The following CYP3A4 variants were observed in gnomAD, a reference collection of about 807,000 sequenced individuals.
The protein encoded by CYP3A4 is cytochrome P450 family 3 subfamily A member 4.
CYP3A4 carries 41 observed loss-of-function variants against 54.9 expected under a neutral mutation model. The observed-to-expected ratio is 0.75, with a 90% CI of 0.58 to 0.97. The LOEUF is 0.97. Among genes scored for constraint, CYP3A4 ranks in the 50% least tolerant of loss-of-function variants. The pLI is 0.00. For missense variants in CYP3A4, 510 were observed against 597.3 expected, an observed-to-expected ratio of 0.85 and a Z score of 1.52; for synonymous variants, 179 against 205.2, an observed-to-expected ratio of 0.87 and a Z score of 1.09.
In CYP3A4 at chr7:99,779,875, T is replaced by G; in HGVS notation, c.165+117A>C. Reference sequence around the variant, plus strand: ...CATGTTCTGGGTGATGCCTACACACTGTTTCTGAAAGTGTAAAACTTCAGA... The same window carrying G: ...CATGTTCTGGGTGATGCCTACACACGGTTTCTGAAAGTGTAAAACTTCAGA... On this transcript the variant is annotated intron_variant, in intron 2 of 12. Coordinates refer to ENST00000651514, the MANE Select transcript of CYP3A4 (RefSeq NM_017460.6). The G allele has an allele frequency of 5.3e-6, 5 of 938,646 alleles. No individual in the cohort carries two copies. The South Asian group carries it at 7.8e-5, about 15-fold the overall frequency. The allele number at this position is 938,646 out of a possible 1,614,324, so 58.1% of individuals were successfully genotyped here.
At chr7:99,764,339 C>T (rs889430368) in intron 9 of CYP3A4, among the ~76,000 whole-genome samples, 1 of 152,100 alleles carries the variant, frequency 6.6e-6, no homozygotes, top group Non-Finnish European at 1.5e-5. Context: ...GGGTGTGTTC[C>T]TTGAATGATC....
intron 1 of CYP3A4, 152 bp from the exon 2 acceptor site, chr7:99,780,237 A>G (rs1815885489): frequency 1.3e-6 from 1 of 754,350 alleles, no homozygotes; most frequent in Non-Finnish European, 2.1e-6. Flanking sequence ...CAATGATTAT[A>G]TTTGTTCATC....
chr7:99,776,009 C>G (rs1339294520), intron 3 of CYP3A4, among the ~76,000 whole-genome samples: 1 of 152,254 alleles, frequency 6.6e-6, no homozygotes, highest in African/African-American at 2.4e-5. Flanking sequence ...AAAAAGCAAA[C>G]AACCCCATCA....
At chr7:99,768,029 G>A (rs1220571164) in intron 7 of CYP3A4, among the ~76,000 whole-genome samples, 2 of 152,146 alleles carry the variant, frequency 1.3e-5, no homozygotes, top group Non-Finnish European at 2.9e-5. Flanking sequence ...TCATGAACTA[G>A]AGAATAAAAA....
chr7:99,770,008 G>A, intron 5 of CYP3A4, 114 bp downstream of exon 5: 2 of 1,528,766 alleles, frequency 1.3e-6, no homozygotes, highest in Non-Finnish European at 1.8e-6. Context: ...CCATTTTTAG[G>A]CAGCTCAAAT....
At chr7:99,765,154 G>T (rs1450406215) in intron 9 of CYP3A4, among the ~76,000 whole-genome samples, 1 of 152,122 alleles carries the variant, frequency 6.6e-6, no homozygotes, top group Non-Finnish European at 1.5e-5. Context: ...ATGTGAAATT[G>T]AACTATAATC....
At position 99,758,065 on chromosome 7, in the gene CYP3A4, A is replaced by G; in HGVS notation, c.*68T>C. On this transcript the variant is annotated 3_prime_UTR_variant, in exon 13 of 13. Transcript: ENST00000651514. ...CATTTCAGAGTTCTATTCACAAAGT[A>G]ATTTGAGGTCTCTGGTGTTCTCAGG... The G allele has an allele frequency of 7.9e-7, 1 of 1,266,632 alleles. No individual in the cohort carries two copies. Among genetic ancestry groups the G allele is most frequent in the Admixed American group, 1.7e-5 (1 of 59,024 alleles). 78.5% of individuals were successfully genotyped at this position (1,266,632 alleles called of 1,614,324 possible).
chr7:99,762,483 C>T (rs1047233725), intron 10 of CYP3A4, among the ~76,000 whole-genome samples: 3 of 151,704 alleles, frequency 2.0e-5, no homozygotes, highest in African/African-American at 7.3e-5. Flanking sequence ...GGGAAGCATT[C>T]GGGAAGGCTC....
rs1191218861 is a variant in CYP3A4 at position 99,757,459 on chromosome 7, T to G, written c.*674A>C. The G allele has an allele frequency of 6.6e-6, 1 of 152,586 alleles. No individual in the cohort carries two copies. The highest frequency in any genetic ancestry group is 1.5e-5 in the Non-Finnish European group (1 of 68,364). 9.5% of individuals were successfully genotyped at this position (152,586 alleles called of 1,614,324 possible). A position where few individuals can be genotyped will look rare whatever the true frequency, so the allele number is the denominator to read the frequency against. ...TGCTAGGATTACAGGCGTGAGCCAC[T>G]GTGCCTGATCAAAAAAGGCATAATT... is the stretch of plus-strand genomic sequence containing the variant. On this transcript the variant is annotated 3_prime_UTR_variant, in exon 13 of 13. Coordinates refer to ENST00000651514, the MANE Select transcript of CYP3A4 (RefSeq NM_017460.6).
At chr7:99,781,128 T>G (rs922527385) in intron 1 of CYP3A4, among the ~76,000 whole-genome samples, 3 of 152,130 alleles carry the variant, frequency 2.0e-5, no homozygotes, top group African/African-American at 7.2e-5. Context: ...ATCTGGTGGT[T>G]TGAATGTGTG....
chr7:99,759,707 A>G (rs1168515493), intron 12 of CYP3A4, among the ~76,000 whole-genome samples: 1 of 152,212 alleles, frequency 6.6e-6, no homozygotes, highest in Non-Finnish European at 1.5e-5. Context: ...ATTTATGATA[A>G]TAGCCTCCAG....
chr7:99,774,608 A>G (rs796356328), intron 3 of CYP3A4, among the ~76,000 whole-genome samples: 3 of 152,346 alleles, frequency 2.0e-5, no homozygotes, highest in African/African-American at 7.2e-5. Context: ...TTACCTCAAT[A>G]GATGCAGAAA....
At chr7:99,766,641 C>A in intron 8 of CYP3A4, 198 bp from the exon 9 acceptor site, 1 of 668,484 alleles carries the variant, frequency 1.5e-6, no homozygotes, top group Non-Finnish European at 2.5e-6. Flanking sequence ...TGAAACAAAT[C>A]TGGCTATCAT....
chr7:99,774,966 A>T (rs1356569046), intron 3 of CYP3A4, among the ~76,000 whole-genome samples: 1 of 152,204 alleles, frequency 6.6e-6, no homozygotes, highest in Non-Finnish European at 1.5e-5. Context: ...AAAACTCCTT[A>T]AGCTGATAAG....
At chr7:99,762,903 C>T (rs1381937806) in intron 10 of CYP3A4, among the ~76,000 whole-genome samples, 1 of 152,186 alleles carries the variant, frequency 6.6e-6, no homozygotes, top group East Asian at 1.9e-4. Flanking sequence ...CACAGCCGGG[C>T]CAGCCCCAAA....
chr7:99,767,690 A>G (rs1448881782), intron 7 of CYP3A4, among the ~76,000 whole-genome samples: 1 of 152,234 alleles, frequency 6.6e-6, no homozygotes, highest in Admixed American at 6.5e-5. Flanking sequence ...GATAAAATCA[A>G]TAAGGGAAAG....
At chr7:99,781,687 T>C (rs1376256463) in intron 1 of CYP3A4, among the ~76,000 whole-genome samples, 3 of 152,136 alleles carry the variant, frequency 2.0e-5, no homozygotes, top group Admixed American at 2.0e-4. Context: ...ATTAGGAAAA[T>C]GTAGCTGAAA....
At chr7:99,759,755 A>G (rs1236442254) in intron 12 of CYP3A4, among the ~76,000 whole-genome samples, 1 of 152,170 alleles carries the variant, frequency 6.6e-6, no homozygotes, top group Non-Finnish European at 1.5e-5. Context: ...TGGGCCCTGG[A>G]CTAGGAGGAG....
At chr7:99,766,543 C>T in intron 8 of CYP3A4, 100 bp from the exon 9 acceptor site, 1 of 1,421,746 alleles carries the variant, frequency 7.0e-7, no homozygotes, top group Non-Finnish European at 9.8e-7. Context: ...GAATATGGCT[C>T]CTTGAAGACC....
Sources: allele counts gnomAD v4.1 joint callset (sites outside exome capture counted in the v4.1 genomes callset), GRCh38; gene constraint gnomAD v4.1.1; transcripts MANE v1.5; gene names NCBI Gene and HGNC (gene_info 2026-07-23, HGNC 2026-07-21).